FLNA: variants seen among roughly 807,000 people sequenced by gnomAD.
The protein encoded by FLNA is filamin-A.
A neutral mutation model predicts 157.6 loss-of-function variants in FLNA; 7 were observed. That is an observed-to-expected ratio of 0.04 (90% CI 0.03 to 0.08). The LOEUF is 0.08. Among genes scored for constraint, FLNA ranks in the 10% least tolerant of loss-of-function variants. The pLI is 1.00. For missense variants in FLNA, 1,750 were observed against 2,398.4 expected (o/e 0.73, Z 5.65); for synonymous variants, 1,103 against 1,060.8 (o/e 1.04, Z -0.77).
intron 2 of FLNA, 118 bp from the exon 3 acceptor site, chrX:154,368,208 C>T: frequency 9.9e-7 from 1 of 1,010,299 alleles, no homozygotes. Context: ...AGGTAGACAC[C>T]CCCTCTTGGC....
intron 28 of FLNA, among the ~76,000 whole-genome samples, chrX:154,357,976 T>C (rs1268318455): frequency 8.9e-6 from 1 of 112,403 alleles, no homozygotes; most frequent in Non-Finnish European, 1.9e-5. Context: ...CAGAAGGCTT[T>C]GGTGACGTGC....
intron 25 of FLNA, 24 bp downstream of exon 25, chrX:154,359,222 C>T (rs782170177): frequency 5.8e-6 from 7 of 1,211,254 alleles, no homozygotes; most frequent in Non-Finnish European, 4.5e-6. Flanking sequence ...AGTCCCAGCC[C>T]TGCCCTGGCC....
At position 154,360,567 on chromosome X, in the gene FLNA, C is replaced by A; in HGVS notation, c.3228G>T (p.Gly1076=). ...GGGAGCCCGCACTGCCTCCCTGCAG[C>A]CCCGGCCCAAACGCCTTCACCTGAG... is the stretch of plus-strand genomic sequence containing the variant. The part of the protein sequence containing the change: ...KPSKVKAFGP[G]LQGGSAGSPA... The change falls in exon 22 of 48, where the codon GGG becomes GGT. Residue 1076 remains glycine (G), a synonymous_variant. Coordinates refer to ENST00000369850, the MANE Select transcript of FLNA (RefSeq NM_001110556.2). 1 of 1,207,451 alleles carries A rather than the reference C, an allele frequency of 8.3e-7. No homozygotes were observed. The highest frequency in any genetic ancestry group is 1.1e-6 in the Non-Finnish European group (1 of 894,937).
At chrX:154,367,376 C>A (rs2067770493) in intron 5 of FLNA, 21 bp downstream of exon 5, 1 of 1,209,699 alleles carries the variant, frequency 8.3e-7, no homozygotes. Context: ...CACGGGTGCA[C>A]CCCTGGTGGG....
chrX:154,349,858 G>C lies in FLNA; in HGVS notation c.7343C>G (p.Ala2448Gly). 3.3e-6 allele frequency: 4 copies of C among 1,210,717 alleles called. No individual in the cohort carries two copies. Among genetic ancestry groups the C allele is most frequent in the Non-Finnish European group, 4.5e-6 (4 of 894,853 alleles). Reference sequence around the variant, plus strand: ...ATTGCTCGTGTTCACGACGAACTCAGCTGGGTTCCCTGGGAGCACAGGAGG... The same window carrying C: ...ATTGCTCGTGTTCACGACGAACTCACCTGGGTTCCCTGGGAGCACAGGAGG... ...GLEGGVTGNP[A>G]EFVVNTSNAG... Residue 2448 changes from alanine to glycine, a missense_variant, in exon 46 of 48, where the codon GCT (alanine) becomes GGT (glycine). Ala to Gly is a moderately conservative substitution (Grantham distance 60). Around this residue, in one of 5 missense-constraint regions of FLNA, gnomAD observed 970 missense variants for 1,302.6 expected, o/e 0.74. Coordinates refer to ENST00000369850, the MANE Select transcript of FLNA (RefSeq NM_001110556.2).
chrX:154,352,155 A>G (rs782511579), intron 41 of FLNA, 26 bp downstream of exon 41: 3 of 1,209,828 alleles, frequency 2.5e-6, no homozygotes, highest in East Asian at 3.0e-5. Flanking sequence ...CAGGAGAGCG[A>G]GCACTCGGGG....
rs1557177548 is a variant in FLNA, at chrX:154,359,613, C to T, written c.4013G>A (p.Ser1338Asn). The change falls in exon 24 of 48, where the codon AGT becomes AAT. Residue 1338 changes from serine (S) to asparagine (N), a missense_variant. Physicochemically the swap from Ser to Asn is conservative, Grantham distance 46. Coordinates refer to ENST00000369850, the MANE Select transcript of FLNA (RefSeq NM_001110556.2). ...CTGGAAGGGGCTGCTGGGCACGGGACTGCCGTCATAGGTCACGTCCACGGA... is the reference window on the plus strand; with the variant it reads ...CTGGAAGGGGCTGCTGGGCACGGGATTGCCGTCATAGGTCACGTCCACGGA... ...LHSVDVTYDG[S>N]PVPSSPFQVP... is the part of the protein sequence containing the mutation. 8.3e-7 allele frequency: 1 copy of T among 1,210,983 alleles called. No individual in the cohort carries two copies. Among genetic ancestry groups the T allele is most frequent in the East Asian group, 3.0e-5 (1 of 33,824 alleles).
chrX:154,365,262 G>A lies in FLNA; in HGVS notation c.1568-3C>T, dbSNP rs2067748774. The stretch of plus-strand genomic sequence containing the variant: ...CTGCTTCACGCGCTCCTCTCCCTCT[G>A]CCAAGACAAGGAGGGCCTCAGGCCT... On this transcript the variant is annotated splice_polypyrimidine_tract_variant and splice_region_variant and intron_variant, in intron 10 of 47. Coordinates refer to ENST00000369850, the MANE Select transcript of FLNA (RefSeq NM_001110556.2). 8.3e-7 allele frequency: 1 copy of A among 1,211,701 alleles called. No homozygotes were observed. The highest frequency in any genetic ancestry group is 1.1e-6 in the Non-Finnish European group (1 of 895,493).
Position 154,349,666 on chromosome X carries a change from A to AAGGGGCTGCCCCCAATGTGGT in FLNA, c.7514_7534dup (p.Tyr2505_Pro2511dup). 8.3e-7 allele frequency: 1 copy of AAGGGGCTGCCCCCAATGTGGT among 1,211,793 alleles called. No individual in the cohort carries two copies. The highest frequency in any genetic ancestry group is 1.1e-6 in the Non-Finnish European group (1 of 895,404). ...AGGCTCACCTGTGACTTTGGCCTTGAAGGGGCTGCCCCCAATGTGGTAGGG... is the reference window on the plus strand; with the variant it reads ...AGGCTCACCTGTGACTTTGGCCTTGAAGGGGCTGCCCCCAATGTGGTAGGGGCTGCCCCCAATGTGGTAGGG... On this transcript the variant is annotated inframe_insertion, in exon 46 of 48. Coordinates refer to ENST00000369850, the MANE Select transcript of FLNA (RefSeq NM_001110556.2).
chrX:154,355,625 A>G (rs1383181823), intron 30 of FLNA, among the ~76,000 whole-genome samples: 14 of 113,106 alleles, frequency 1.2e-4, no homozygotes, highest in African/African-American at 4.2e-4. Context: ...TGCAGACAGG[A>G]GTGGGAGCGG....
chrX:154,354,166 T>C lies in FLNA; in HGVS notation c.5542A>G (p.Asn1848Asp). Residue 1848 changes from asparagine (N) to aspartate (D), a missense_variant, in exon 34 of 48, where the codon AAC (asparagine) becomes GAC (aspartate). This residue lies in a region of FLNA where 970 missense variants were observed against 1,302.6 expected (regional missense o/e 0.74). Transcript: ENST00000369850. ...GCAGGCCCACCTGGGATGTGCATGT[T>C]GTCATAGCGGATGTCCATCTCGTGC... ...GLHEMDIRYD[N>D]MHIPGSPLQF... The C allele has an allele frequency of 1.7e-6, 2 of 1,211,519 alleles. No homozygotes were observed. Among genetic ancestry groups the C allele is most frequent in the Non-Finnish European group, 2.2e-6 (2 of 895,530 alleles).
Position 154,352,546 on chromosome X carries a change from C to T in FLNA, c.6502+7G>A, listed in dbSNP as rs782202978. The T allele has an allele frequency of 9.3e-5, 112 of 1,210,540 alleles. No homozygotes were observed. The South Asian group carries it at 1.9e-3, about 21-fold the overall frequency. On this transcript the variant is annotated splice_region_variant and intron_variant, in intron 40 of 47. Coordinates refer to ENST00000369850, the MANE Select transcript of FLNA (RefSeq NM_001110556.2). ...GGACCCCTCCCCAGGCTTCCCACAG[C>T]CCCTACCAGGGATTTTCAGGCTGAG...
intron 21 of FLNA, among the ~76,000 whole-genome samples, chrX:154,361,046 C>CA (rs59672916): frequency 0.047 from 938 of 20,028 alleles, 210 homozygotes; most frequent in South Asian, 0.11. Flanking sequence ...GACTCTTTCT[C>CA]AAAAAAAAAA....
Position 154,353,345 on chromosome X carries a change from C to G in FLNA, c.5973G>C (p.Ser1991=), listed in dbSNP as rs375252292. 1 of 1,211,779 alleles carries G rather than the reference C, an allele frequency of 8.3e-7. No homozygotes were observed. The highest frequency in any genetic ancestry group is 2.2e-5 in the Admixed American group (1 of 46,141). ...SLLTATVVPP[S]GREEPCLLKR... is the part of the protein sequence containing the mutation. ...TCAGCAAACAGGGCTCCTCCCGGCC[C>G]GAGGGCGGGACCACAGTGGCCGTCA... Residue 1991 remains serine (S), a synonymous_variant, in exon 37 of 48, where the codon TCG becomes TCC. Transcript: ENST00000369850.
At chrX:154,359,196 G>A (rs371827351) in intron 25 of FLNA, 42 bp from the exon 26 acceptor site, 66 of 1,209,522 alleles carry the variant, frequency 5.5e-5, no homozygotes, top group Admixed American at 2.4e-4. Flanking sequence ...ATGAGACAGG[G>A]TGGGGACGAG....
chrX:154,365,303 C>CG lies in FLNA; in HGVS notation c.1567+45dup, dbSNP rs782655001. The CG allele has an allele frequency of 1.1e-4, 138 of 1,210,749 alleles. No homozygotes were observed. In the African/African-American group the frequency reaches 1.5e-3, roughly 13 times the overall value. ...CCTCAGGCCTGCCCAGCAGTGAACC[C>CG]GGGGGCTGCCGCCACCCATCCTGGC... On this transcript the variant is annotated intron_variant, in intron 10 of 47. Coordinates refer to ENST00000369850, the MANE Select transcript of FLNA (RefSeq NM_001110556.2).
At position 154,349,705 on chromosome X, in the gene FLNA, A is replaced by G; in HGVS notation, c.7496T>C (p.Ile2499Thr). The G allele has an allele frequency of 8.3e-7, 1 of 1,211,932 alleles. No homozygotes were observed. The highest frequency in any genetic ancestry group is 1.1e-6 in the Non-Finnish European group (1 of 895,547). ...PMAPGSYLIS[I>T]KYGGPYHIGG... The stretch of plus-strand genomic sequence containing the variant: ...AATGTGGTAGGGGCCGCCGTACTTG[A>G]TGGAGATGAGGTAGCTGCCAGGTGC... The change falls in exon 46 of 48, where the codon ATC (isoleucine) becomes ACC (threonine). Residue 2499 changes from isoleucine to threonine, a missense_variant. Ile to Thr is a moderately conservative substitution (Grantham distance 89). This residue lies in a region of FLNA where 970 missense variants were observed against 1,302.6 expected (regional missense o/e 0.74). Coordinates refer to ENST00000369850, the MANE Select transcript of FLNA (RefSeq NM_001110556.2).
rs1557176044 is a variant in FLNA at position 154,352,811 on chromosome X, A to G, written c.6340T>C (p.Tyr2114His). 1 of 1,211,625 alleles carries G rather than the reference A, an allele frequency of 8.3e-7. No individual in the cohort carries two copies. Among genetic ancestry groups the G allele is most frequent in the South Asian group, 1.8e-5 (1 of 57,028 alleles). The change falls in exon 39 of 48, where the codon TAC becomes CAC. Residue 2114 changes from tyrosine (Y) to histidine (H), a missense_variant. Transcript: ENST00000369850. ...TCGGCAAACTTGATGTTGATGATGT[A>G]GTTGCCTGGCTCTGTGGGGCAGTAG... Reference protein sequence around the residue: ...VTYCPTEPGNYIINIKFADQH... With the variant: ...VTYCPTEPGNHIINIKFADQH...
In FLNA at chrX:154,364,682, T is replaced by G; in HGVS notation, c.1866A>C (p.Glu622Asp). The G allele has an allele frequency of 1.7e-6, 2 of 1,210,074 alleles. No homozygotes were observed. The highest frequency in any genetic ancestry group is 2.2e-6 in the Non-Finnish European group (2 of 895,125). Residue 622 changes from glutamate (E) to aspartate (D), a missense_variant, in exon 13 of 48, where the codon GAA becomes GAC. Around this residue, in one of 5 missense-constraint regions of FLNA, gnomAD observed 648 missense variants for 805.8 expected, o/e 0.80. Coordinates refer to ENST00000369850, the MANE Select transcript of FLNA (RefSeq NM_001110556.2). ...AGGAGCCGTCGCCCTTGTCGTCACA[T>G]TCGATCTTAGCCTGCGATGGCCCTT... ...SVEGPSQAKI[E>D]CDDKGDGSCD...
Sources: gnomAD v4.1 joint callset for allele counts (sites outside exome capture counted in the v4.1 genomes callset) on GRCh38, gnomAD v4.1.1 for gene constraint, gnomAD v4.1.1 regional missense constraint, MANE v1.5 for transcripts, NCBI Gene and HGNC (gene_info 2026-07-23, HGNC 2026-07-21) for gene names.